TTBK2: variants seen among roughly 807,000 people sequenced by gnomAD.
TTBK2 encodes the protein tau tubulin kinase 2.
A neutral mutation model predicts 110.8 loss-of-function variants in TTBK2; 28 were observed. The ratio of observed to expected loss-of-function variants is 0.25; its 90% confidence interval spans 0.19 to 0.35. The LOEUF is 0.35. Ranked by LOEUF, TTBK2 falls within the 10% of genes least tolerant of loss-of-function variation. The pLI, the probability that TTBK2 is intolerant of heterozygous loss-of-function variation, is 1.00. For missense variants in TTBK2, 1,369 were observed against 1,500.3 expected (o/e 0.91, Z 1.45); for synonymous variants, 532 against 527.3 (o/e 1.01, Z -0.12).
intron 6 of TTBK2, among the ~76,000 whole-genome samples, chr15:42,820,336 C>T (rs1310891166): frequency 1.3e-5 from 2 of 152,082 alleles, no homozygotes; most frequent in African/African-American, 4.8e-5. Context: ...AATATAAACA[C>T]TCGGGACAGG....
intron 6 of TTBK2, among the ~76,000 whole-genome samples, chr15:42,824,095 AAC>A (rs1174587575): frequency 6.6e-6 from 1 of 152,146 alleles, no homozygotes; most frequent in Admixed American, 6.5e-5. Flanking sequence ...CATAAGAACT[AAC>A]AGAGTGAGAA....
intron 9 of TTBK2, among the ~76,000 whole-genome samples, chr15:42,797,724 G>C (rs545576080): frequency 6.6e-6 from 1 of 152,106 alleles, no homozygotes; most frequent in East Asian, 1.9e-4. Context: ...TTAATTCAGT[G>C]AGTCAAATAG....
chr15:42,771,217 C>T (rs1439879614), intron 13 of TTBK2, among the ~76,000 whole-genome samples: 1 of 152,142 alleles, frequency 6.6e-6, no homozygotes, highest in East Asian at 1.9e-4. Context: ...TCGTGATCCG[C>T]CAGCCTTGGC....
chr15:42,879,978 CAG>C lies in TTBK2; in HGVS notation c.-67-1296_-67-1295del, dbSNP rs534546548. 9.7e-3 allele frequency among the ~76,000 whole-genome samples: 1,180 copies of C among 122,156 alleles called. 14 individuals are homozygous for C. The highest frequency in any genetic ancestry group is 0.035 in the African/African-American group (1,116 of 31,580). The allele number at this position is 122,156 out of a possible 152,430, so 80.1% of individuals were successfully genotyped here. ...TGCCACTGCATTCCAGCCTGGGTGACAGAAGAAGATCCTGTCTCAAAAAAAAA... is the reference window on the plus strand; with the variant it reads ...TGCCACTGCATTCCAGCCTGGGTGACAAGAAGATCCTGTCTCAAAAAAAAA... On this transcript the variant is annotated intron_variant, in intron 1 of 14. Transcript: ENST00000267890.
rs540476257 is a variant in TTBK2 at position 42,752,399 on chromosome 15, T to C, written c.2847A>G (p.Ala949=). The change falls in exon 14 of 15, where the codon GCA becomes GCG. Residue 949 remains alanine, a synonymous_variant. Coordinates refer to ENST00000267890, the MANE Select transcript of TTBK2 (RefSeq NM_173500.4). ...ATTCCAAAGTTGAGTCTATCTCTTG[T>C]GCTAAAACAGGGATTCGGCTGTGTC... ...VTRHSRIPVL[A]QEIDSTLESS... is the part of the protein sequence containing the mutation. 6.2e-7 allele frequency: 1 copy of C among 1,614,220 alleles called. No individual in the cohort carries two copies. The highest frequency in any genetic ancestry group is 1.3e-5 in the African/African-American group (1 of 75,056).
rs939619387 is a variant in TTBK2, at chr15:42,899,296, C to A, written c.-67-20612G>T. Among the ~76,000 whole-genome samples the A allele has an allele frequency of 6.6e-5, 10 of 151,830 alleles. No homozygotes were observed. In the East Asian group the frequency reaches 2.0e-3, roughly 30 times the overall value. On this transcript the variant is annotated intron_variant, in intron 1 of 14. Coordinates refer to ENST00000267890, the MANE Select transcript of TTBK2 (RefSeq NM_173500.4). ...TACAGGTGAGAGCCACTGTGCCTGG[C>A]CAATTTATAAAACATTTAAACATAA...
intron 1 of TTBK2, among the ~76,000 whole-genome samples, chr15:42,888,410 C>G (rs775384427): frequency 4.3e-4 from 65 of 152,142 alleles, no homozygotes; most frequent in Non-Finnish European, 6.9e-4. Flanking sequence ...CACTCCATTT[C>G]CCCATATTTC....
intron 13 of TTBK2, among the ~76,000 whole-genome samples, chr15:42,755,958 G>C (rs2140624219): frequency 6.6e-6 from 1 of 152,290 alleles, no homozygotes; most frequent in East Asian, 1.9e-4. Flanking sequence ...CGCTCTGGGG[G>C]GCCGAGGCAG....
intron 10 of TTBK2, among the ~76,000 whole-genome samples, chr15:42,794,104 GAA>G (rs34009486): frequency 2.3e-5 from 2 of 87,218 alleles, no homozygotes; most frequent in Non-Finnish European, 2.4e-5. Context: ...TAAAAAATTA[GAA>G]AAAAAAAAAA....
chr15:42,801,160 A>C, intron 9 of TTBK2: 1 of 1,227,452 alleles, frequency 8.1e-7, no homozygotes, highest in Non-Finnish European at 1.2e-6. Context: ...CCACCTGCAT[A>C]GCTGCTGGTG....
intron 7 of TTBK2, among the ~76,000 whole-genome samples, chr15:42,814,286 C>CT (rs957892649): frequency 1.3e-5 from 2 of 152,128 alleles, no homozygotes; most frequent in African/African-American, 4.8e-5. Context: ...TATGTTAAAA[C>CT]TTTAAGATTT....
intron 2 of TTBK2, among the ~76,000 whole-genome samples, chr15:42,874,208 T>C (rs916136325): frequency 1.3e-5 from 2 of 152,210 alleles, no homozygotes; most frequent in African/African-American, 4.8e-5. Flanking sequence ...TCTATTCTAT[T>C]TCCTTGTGTC....
At chr15:42,803,054 A>G (rs919805435) in intron 9 of TTBK2, among the ~76,000 whole-genome samples, 1 of 152,154 alleles carries the variant, frequency 6.6e-6, no homozygotes, top group African/African-American at 2.4e-5. Flanking sequence ...CAGACGGCCT[A>G]TTGTGGGACC....
intron 10 of TTBK2, among the ~76,000 whole-genome samples, chr15:42,784,967 C>A (rs1489319864): frequency 6.6e-6 from 1 of 152,090 alleles, no homozygotes; most frequent in Non-Finnish European, 1.5e-5. Flanking sequence ...TCTCCCTGGC[C>A]TCTTGATTGA....
chr15:42,775,970 T>G (rs1220414623), intron 12 of TTBK2, among the ~76,000 whole-genome samples: 1 of 152,190 alleles, frequency 6.6e-6, no homozygotes, highest in African/African-American at 2.4e-5. Flanking sequence ...ACCAACTTTT[T>G]ATTGAACTGA....
intron 1 of TTBK2, among the ~76,000 whole-genome samples, chr15:42,918,271 T>A (rs1411128455): frequency 1.3e-5 from 2 of 152,132 alleles, no homozygotes; most frequent in African/African-American, 2.4e-5. Context: ...CTCCCTGTGT[T>A]ACTTAGGCTG....
chr15:42,845,037 G>C (rs966174751), intron 3 of TTBK2, among the ~76,000 whole-genome samples: 2 of 152,052 alleles, frequency 1.3e-5, no homozygotes, highest in African/African-American at 4.8e-5. Flanking sequence ...AAACTGCTAT[G>C]GATATAAAGA....
At chr15:42,765,662 G>A (rs529331759) in intron 13 of TTBK2, among the ~76,000 whole-genome samples, 1 of 152,300 alleles carries the variant, frequency 6.6e-6, no homozygotes, top group Admixed American at 6.5e-5. Context: ...TGAAAGTGAT[G>A]GGGAGAATGG....
At chr15:42,808,373 C>CA (rs1414139189) in intron 9 of TTBK2, among the ~76,000 whole-genome samples, 1 of 152,060 alleles carries the variant, frequency 6.6e-6, no homozygotes, top group Admixed American at 6.6e-5. Flanking sequence ...TTGATTATAA[C>CA]AAAAAAACTG....
Sources: allele counts gnomAD v4.1 joint callset (sites outside exome capture counted in the v4.1 genomes callset), GRCh38; gene constraint gnomAD v4.1.1; transcripts MANE v1.5; gene names NCBI Gene and HGNC (gene_info 2026-07-23, HGNC 2026-07-21).